CMAS: variants seen among roughly 807,000 people sequenced by gnomAD.
CMAS encodes N-acylneuraminate cytidylyltransferase.
Under a neutral mutation model 53.4 loss-of-function variants are expected in CMAS, and 21 were observed. The ratio of observed to expected loss-of-function variants is 0.39; its 90% CI spans 0.28 to 0.57. CMAS has a LOEUF of 0.57. Ranked by LOEUF, CMAS falls within the 20% of genes least tolerant of loss-of-function variation. CMAS has a pLI of 0.56. For synonymous variants in CMAS, 189 were observed against 195.2 expected (o/e 0.97, Z 0.27); for missense variants, 384 against 534.9 (o/e 0.72, Z 2.78).
At chr12:22,048,870 C>A (rs535554001) in intron 1 of CMAS, among the ~76,000 whole-genome samples, 1 of 152,304 alleles carries the variant, frequency 6.6e-6, no homozygotes, top group East Asian at 1.9e-4. Flanking sequence ...GTTAACAAAT[C>A]CATATGGCCT....
Position 22,065,531 on chromosome 12 carries a change from C to T in CMAS, c.*220C>T, listed in dbSNP as rs1302617813. The T allele has an allele frequency of 4.2e-6, 2 of 474,628 alleles. No individual in the cohort carries two copies. Among genetic ancestry groups the T allele is most frequent in the Non-Finnish European group, 7.6e-6 (2 of 261,674 alleles). 29.4% of individuals were successfully genotyped at this position (474,628 alleles called of 1,614,324 possible). On this transcript the variant is annotated 3_prime_UTR_variant, in exon 8 of 8. Coordinates refer to ENST00000229329, the MANE Select transcript of CMAS (RefSeq NM_018686.6). ...TAGTAAATGCAAGTAAGAACATCAT[C>T]AAAGTTCACTTTGTATTGTACCCTG...
chr12:22,062,260 C>CTT (rs33946820), intron 6 of CMAS, 21 bp from the exon 7 acceptor site: 1,430 of 1,412,580 alleles, frequency 1.0e-3, no homozygotes, highest in South Asian at 1.8e-3. Flanking sequence ...TCCTCCAATC[C>CTT]TTTTTTTTTT....
chr12:22,058,192 C>T (rs1054923976), intron 3 of CMAS, among the ~76,000 whole-genome samples: 3 of 150,564 alleles, frequency 2.0e-5, no homozygotes, highest in Non-Finnish European at 3.0e-5. Context: ...TTTGGGAGGC[C>T]GAGGTGGGCG....
At chr12:22,063,825 T>C (rs1363180341) in intron 7 of CMAS, 1 of 151,934 alleles carries the variant, frequency 6.6e-6, no homozygotes, top group Non-Finnish European at 1.5e-5. Flanking sequence ...CCAGGCATGA[T>C]GGCTCATGCC....
intron 4 of CMAS, among the ~76,000 whole-genome samples, chr12:22,060,360 A>T (rs868061023): frequency 7.4e-5 from 9 of 121,762 alleles, no homozygotes; most frequent in African/African-American, 2.1e-4. Context: ...AAAAAAAAAA[A>T]GCTGGGCGTG....
In CMAS at chr12:22,055,536, GAGA is replaced by G. The variant is rs913168046; in HGVS notation, c.491_493del (p.Glu164del). 18 of 1,612,294 alleles carry G rather than the reference GAGA, an allele frequency of 1.1e-5. No homozygotes were observed. The highest frequency in any genetic ancestry group is 2.2e-5 in the East Asian group (1 of 44,796). On this transcript the variant is annotated inframe_deletion, in exon 3 of 8. Coordinates refer to ENST00000229329, the MANE Select transcript of CMAS (RefSeq NM_018686.6). ...CTTCAAAAAGTTGCAGAAATGATTC[GAGA>G]AGAAGGATATGATTCTGTTTTCTCT...
intron 3 of CMAS, among the ~76,000 whole-genome samples, chr12:22,058,190 G>C (rs1261910880): frequency 6.6e-6 from 1 of 151,232 alleles, no homozygotes; most frequent in African/African-American, 2.4e-5. Flanking sequence ...ACTTTGGGAG[G>C]CCGAGGTGGG....
chr12:22,061,584 A>T lies in CMAS; in HGVS notation c.960+132A>T, dbSNP rs764496325. ...TCTGAAATTTGGCCTTCATACGCCT[A>T]GAAAATTATTATACTATTTAGTTTT... On this transcript the variant is annotated intron_variant, in intron 6 of 7. Coordinates refer to ENST00000229329, the MANE Select transcript of CMAS (RefSeq NM_018686.6). The T allele has an allele frequency of 2.0e-4, 105 of 515,704 alleles. No individual in the cohort carries two copies. The Middle Eastern group carries it at 2.1e-3, about 10-fold the overall frequency. The allele number at this position is 515,704 out of a possible 1,614,324, so 31.9% of individuals were successfully genotyped here. A position where few individuals can be genotyped will look rare whatever the true frequency, so the allele number is the denominator to read the frequency against.
At position 22,065,288 on chromosome 12, in the gene CMAS, G is replaced by T. The variant is rs769615088; in HGVS notation, c.1282G>T (p.Val428Phe). ...AEHICLLMEK[V>F]NNSCQK ...GCACATTTGCCTACTAATGGAAAAGGTTAATAATTCATGCCAAAAATAGAA... is the reference window on the plus strand; with the variant it reads ...GCACATTTGCCTACTAATGGAAAAGTTTAATAATTCATGCCAAAAATAGAA... The change falls in exon 8 of 8, where the codon GTT (valine) becomes TTT (phenylalanine). Residue 428 changes from valine to phenylalanine, a missense_variant. By Grantham distance (50) the Val-to-Phe change is conservative. Coordinates refer to ENST00000229329, the MANE Select transcript of CMAS (RefSeq NM_018686.6). 1.2e-6 allele frequency: 2 copies of T among 1,610,768 alleles called. No homozygotes were observed. The highest frequency in any genetic ancestry group is 2.2e-5 in the South Asian group (2 of 90,928).
intron 7 of CMAS, among the ~76,000 whole-genome samples, chr12:22,063,055 A>C (rs1591795547): frequency 6.6e-6 from 1 of 152,248 alleles, no homozygotes; most frequent in Non-Finnish European, 1.5e-5. Context: ...CTTGGATATT[A>C]AGCAATACAC....
chr12:22,055,302 G>C lies in CMAS; in HGVS notation c.403+11G>C. The C allele has an allele frequency of 6.4e-7, 1 of 1,572,418 alleles. No individual in the cohort carries two copies. Among genetic ancestry groups the C allele is most frequent in the Non-Finnish European group, 8.7e-7 (1 of 1,149,712 alleles). ...TTAATTATCATAATGGTATGAATTT[G>C]ATTAATAGTTTATTCAAACCTTTAT... On this transcript the variant is annotated intron_variant, in intron 2 of 7. Coordinates refer to ENST00000229329, the MANE Select transcript of CMAS (RefSeq NM_018686.6).
rs1950203926 is a variant in CMAS, at chr12:22,046,258, C to T, written c.-46C>T. On this transcript the variant is annotated 5_prime_UTR_variant, in exon 1 of 8. Coordinates refer to ENST00000229329, the MANE Select transcript of CMAS (RefSeq NM_018686.6). Reference sequence around the variant, plus strand: ...GGCGCCGAGCTGAGGTGGTGAGGGACTAGCTCCCGGATGTGGAGAAGCTGG... The same window carrying T: ...GGCGCCGAGCTGAGGTGGTGAGGGATTAGCTCCCGGATGTGGAGAAGCTGG... 2.1e-6 allele frequency: 3 copies of T among 1,406,358 alleles called. No homozygotes were observed. The highest frequency in any genetic ancestry group is 1.5e-5 in the African/African-American group (1 of 65,862). 87.1% of individuals were successfully genotyped at this position (1,406,358 alleles called of 1,614,324 possible).
chr12:22,062,048 A>T (rs1950311473), intron 6 of CMAS, among the ~76,000 whole-genome samples: 1 of 152,164 alleles, frequency 6.6e-6, no homozygotes, highest in South Asian at 2.1e-4. Flanking sequence ...TGTAGAAAAT[A>T]AAATACTGTG....
At chr12:22,053,150 G>A (rs1214786802) in intron 1 of CMAS, among the ~76,000 whole-genome samples, 4 of 151,866 alleles carry the variant, frequency 2.6e-5, no homozygotes, top group Admixed American at 6.6e-5. Context: ...GTCGGGCGTG[G>A]TGACACATGC....
At chr12:22,060,567 T>C in intron 4 of CMAS, 1 of 291,830 alleles carries the variant, frequency 3.4e-6, no homozygotes, top group Non-Finnish European at 6.5e-6. Context: ...GGTGGGAGGA[T>C]TGCTTGAGCC....
intron 3 of CMAS, among the ~76,000 whole-genome samples, chr12:22,057,911 TCCCCC>T (rs967404547): frequency 6.8e-6 from 1 of 147,908 alleles, no homozygotes; most frequent in Non-Finnish European, 1.5e-5. Context: ...CACTGCAATC[TCCCCC>T]CCCCGGGTTC....
chr12:22,053,362 T>G (rs1300181017), intron 1 of CMAS, among the ~76,000 whole-genome samples: 1 of 143,020 alleles, frequency 7.0e-6, no homozygotes, highest in Admixed American at 7.1e-5. Flanking sequence ...AGGAAAAATA[T>G]ATATGTGTGT....
intron 6 of CMAS, 86 bp from the exon 7 acceptor site, chr12:22,062,195 A>G (rs1211527916): frequency 2.4e-6 from 3 of 1,258,128 alleles, no homozygotes; most frequent in Admixed American, 2.9e-5. Context: ...ACTGTCTACA[A>G]GGTCAATTAT....
intron 3 of CMAS, 93 bp from the exon 4 acceptor site, chr12:22,058,474 T>C: frequency 2.7e-6 from 3 of 1,107,518 alleles, no homozygotes; most frequent in Non-Finnish European, 3.9e-6. Context: ...ATGCTCTGCA[T>C]TCTGAGTTCA....
Sources: gnomAD v4.1 joint callset for allele counts (sites outside exome capture counted in the v4.1 genomes callset) on GRCh38, gnomAD v4.1.1 for gene constraint, MANE v1.5 for transcripts, NCBI Gene and HGNC (gene_info 2026-07-23, HGNC 2026-07-21) for gene names.